The following CCDC3 variants were observed in gnomAD, a reference collection of about 807,000 sequenced individuals.
The protein encoded by CCDC3 is coiled-coil domain containing 3, also known as coiled-coil domain-containing protein 3.
Under a neutral mutation model 21.4 loss-of-function variants are expected in CCDC3, and 24 were observed. The observed-to-expected ratio is 1.12, with a 90% CI of 0.81 to 1.58. CCDC3 has a LOEUF of 1.58. Among genes scored for constraint, CCDC3 ranks in the 40% most tolerant of loss-of-function variants. The pLI is 0.00. For missense variants in CCDC3, 425 were observed against 360.9 expected (o/e 1.18, Z -1.44); for synonymous variants, 186 against 166.0 (o/e 1.12, Z -0.93).
At position 12,936,036 on chromosome 10, in the gene CCDC3, T is replaced by TATCTTGACTTACTCAACATC. The variant is rs575068325; in HGVS notation, c.550-37358_550-37357insGATGTTGAGTAAGTCAAGAT. On this transcript the variant is annotated intron_variant, in intron 2 of 2. Transcript: ENST00000378825. Reference sequence around the variant, plus strand: ...TCAGATCAATGAAGATGACAGACATTGTATCTTGACTTACTCATTCTCAGA... The same window carrying TATCTTGACTTACTCAACATC: ...TCAGATCAATGAAGATGACAGACATTATCTTGACTTACTCAACATCGTATCTTGACTTACTCATTCTCAGA... Among the ~76,000 whole-genome samples the TATCTTGACTTACTCAACATC allele has an allele frequency of 2.1e-3, 321 of 152,340 alleles. 2 individuals are homozygous for TATCTTGACTTACTCAACATC. Among genetic ancestry groups the TATCTTGACTTACTCAACATC allele is most frequent in the African/African-American group, 7.4e-3 (308 of 41,568 alleles).
intron 2 of CCDC3, among the ~76,000 whole-genome samples, chr10:12,980,958 T>C (rs967937398): frequency 6.6e-6 from 1 of 152,186 alleles, no homozygotes; most frequent in East Asian, 1.9e-4. Flanking sequence ...GACCCTAGCA[T>C]TGGTTACTTC....
chr10:13,006,125 T>C (rs1835921822), upstream of CCDC3, among the ~76,000 whole-genome samples: 1 of 152,220 alleles, frequency 6.6e-6, no homozygotes, highest in African/African-American at 2.4e-5. Context: ...GGTAATCCAA[T>C]GTGATGTTTT....
chr10:12,932,467 A>G (rs568404786), intron 2 of CCDC3, among the ~76,000 whole-genome samples: 6 of 152,344 alleles, frequency 3.9e-5, no homozygotes, highest in East Asian at 3.9e-4. Context: ...GTTTCACACC[A>G]TAAGTTGGAG....
intron 2 of CCDC3, among the ~76,000 whole-genome samples, chr10:12,998,023 T>C (rs551853197): frequency 6.6e-6 from 1 of 152,204 alleles, no homozygotes; most frequent in African/African-American, 2.4e-5. Context: ...AAGCCTGATA[T>C]AGATGCTACT....
At chr10:13,085,324 A>T (rs1837089263) in intron 3 of CCDC3, among the ~76,000 whole-genome samples, 2 of 152,128 alleles carry the variant, frequency 1.3e-5, no homozygotes, top group African/African-American at 4.8e-5. Context: ...CTTCAAGATG[A>T]CTCAGTGTCC....
At chr10:12,977,132 G>A (rs1835429049) in intron 2 of CCDC3, among the ~76,000 whole-genome samples, 1 of 152,116 alleles carries the variant, frequency 6.6e-6, no homozygotes, top group Non-Finnish European at 1.5e-5. Flanking sequence ...AAAATTAGCT[G>A]GGCATGGTGG....
chr10:12,942,117 G>C (rs1471379795), intron 2 of CCDC3, among the ~76,000 whole-genome samples: 1 of 152,114 alleles, frequency 6.6e-6, no homozygotes, highest in Non-Finnish European at 1.5e-5. Flanking sequence ...CTTACAGCTA[G>C]CCCTTTGACA....
At chr10:13,050,096 C>T (rs557998393) in intron 4 of CCDC3, among the ~76,000 whole-genome samples, 3 of 152,032 alleles carry the variant, frequency 2.0e-5, no homozygotes, top group African/African-American at 7.2e-5. Flanking sequence ...AGGTATTAAC[C>T]TGGGTGTGGG....
intron 2 of CCDC3, among the ~76,000 whole-genome samples, chr10:12,914,746 C>T (rs903340686): frequency 1.3e-5 from 2 of 152,184 alleles, no homozygotes; most frequent in Non-Finnish European, 2.9e-5. Flanking sequence ...CCATGCCTGG[C>T]CTGAGTTGTC....
chr10:12,925,636 C>T (rs1564286353), intron 2 of CCDC3, among the ~76,000 whole-genome samples: 1 of 152,364 alleles, frequency 6.6e-6, no homozygotes, highest in East Asian at 1.9e-4. Flanking sequence ...TTAACTCTTG[C>T]CTCTGGAGTC....
At chr10:13,017,292 G>A (rs12356102) in intron 5 of CCDC3, among the ~76,000 whole-genome samples, 2,484 of 151,938 alleles carry the variant, frequency 0.016, 51 homozygotes, top group Non-Finnish European at 0.025. Flanking sequence ...CGAGGTGGGC[G>A]GATCACCTGA....
chr10:13,080,879 G>T (rs1837030998), intron 3 of CCDC3, among the ~76,000 whole-genome samples: 1 of 152,244 alleles, frequency 6.6e-6, no homozygotes, highest in South Asian at 2.1e-4. Flanking sequence ...CAAAGTCTAG[G>T]GTTGGCCGGG....
chr10:12,925,364 T>A (rs1589008129), intron 2 of CCDC3, among the ~76,000 whole-genome samples: 1 of 152,292 alleles, frequency 6.6e-6, no homozygotes, highest in East Asian at 1.9e-4. Context: ...CAGGATCTCC[T>A]TTTCCCTCTT....
chr10:12,903,254 T>C (rs1834121076), intron 2 of CCDC3, among the ~76,000 whole-genome samples: 1 of 152,220 alleles, frequency 6.6e-6, no homozygotes, highest in South Asian at 2.1e-4. Flanking sequence ...ATGGAGCCGA[T>C]GGAGCCCTCT....
chr10:13,055,851 G>A (rs1341860906), intron 4 of CCDC3, among the ~76,000 whole-genome samples: 1 of 152,176 alleles, frequency 6.6e-6, no homozygotes, highest in Non-Finnish European at 1.5e-5. Context: ...CTTGCTAGCT[G>A]CCTGCCTTTG....
At chr10:12,934,217 G>C (rs1180366514) in intron 2 of CCDC3, among the ~76,000 whole-genome samples, 3 of 152,186 alleles carry the variant, frequency 2.0e-5, no homozygotes, top group African/African-American at 7.2e-5. Flanking sequence ...GAAATGTCTT[G>C]TACAGTCTCC....
At chr10:12,932,910 T>C (rs1361216068) in intron 2 of CCDC3, among the ~76,000 whole-genome samples, 1 of 152,244 alleles carries the variant, frequency 6.6e-6, no homozygotes, top group African/African-American at 2.4e-5. Flanking sequence ...CTCCATCTAT[T>C]GATATGATCA....
intron 5 of CCDC3, among the ~76,000 whole-genome samples, chr10:13,039,666 G>C (rs984787246): frequency 6.6e-6 from 1 of 152,176 alleles, no homozygotes; most frequent in African/African-American, 2.4e-5. Context: ...AAAGTTGGGA[G>C]AGTGCAGAGT....
chr10:12,922,468 C>G (rs1190860743), intron 2 of CCDC3, among the ~76,000 whole-genome samples: 1 of 152,180 alleles, frequency 6.6e-6, no homozygotes, highest in Non-Finnish European at 1.5e-5. Context: ...GAAACCTATT[C>G]TCTCCTCCAC....
Sources: allele counts gnomAD v4.1 joint callset (sites outside exome capture counted in the v4.1 genomes callset), GRCh38; gene constraint gnomAD v4.1.1; transcripts MANE v1.5; gene names NCBI Gene and HGNC (gene_info 2026-07-23, HGNC 2026-07-21).